CCDC178: variants seen among roughly 807,000 people sequenced by gnomAD.
CCDC178 encodes coiled-coil domain-containing protein 178.
In CCDC178, 126 loss-of-function variants were observed where a neutral mutation model predicts 117.4. The ratio of observed to expected loss-of-function variants is 1.07; its 90% confidence interval spans 0.93 to 1.24. The LOEUF is 1.24. Ranked by LOEUF, CCDC178 falls within the 50% of genes most tolerant of loss-of-function variation. The pLI is 0.00. For missense variants in CCDC178, 1,030 were observed against 986.9 expected (o/e 1.04, Z -0.59); for synonymous variants, 283 against 313.4 (o/e 0.90, Z 1.02).
intron 20 of CCDC178, among the ~76,000 whole-genome samples, chr18:33,096,910 T>C (rs530654465): frequency 3.9e-5 from 6 of 152,242 alleles, no homozygotes; most frequent in Non-Finnish European, 5.9e-5. Context: ...TTTATCCTTG[T>C]AGCAATGATC....
chr18:32,939,096 C>CTCTGGAGG (rs2054183202), intron 22 of CCDC178, among the ~76,000 whole-genome samples: 1 of 151,996 alleles, frequency 6.6e-6, no homozygotes, highest in African/African-American at 2.4e-5. Context: ...AAAGGTCCAG[C>CTCTGGAGG]TCTGGATGTC....
chr18:33,267,416 A>C (rs2059832633), intron 12 of CCDC178, 119 bp from the exon 13 acceptor site: 2 of 567,424 alleles, frequency 3.5e-6, no homozygotes, highest in African/African-American at 3.9e-5. Flanking sequence ...AAATTGAAAA[A>C]CAATAGAAAA....
At chr18:33,148,350 T>G (rs1598932813) in intron 20 of CCDC178, among the ~76,000 whole-genome samples, 1 of 151,516 alleles carries the variant, frequency 6.6e-6, no homozygotes, top group Non-Finnish European at 1.5e-5. Flanking sequence ...GGCAGGGAGG[T>G]TGCAGTGAGC....
intron 21 of CCDC178, among the ~76,000 whole-genome samples, chr18:33,066,261 A>C (rs141987082): frequency 3.7e-4 from 56 of 152,330 alleles, no homozygotes; most frequent in African/African-American, 1.3e-3. Context: ...TCTAAAGGGA[A>C]TCCTACATCT....
intron 20 of CCDC178, among the ~76,000 whole-genome samples, chr18:33,125,774 C>A (rs947116136): frequency 1.7e-4 from 26 of 152,170 alleles, no homozygotes; most frequent in African/African-American, 6.3e-4. Flanking sequence ...GCATGTGACA[C>A]CTGCTTCCAG....
rs561651801 is a variant in CCDC178 at position 33,301,597 on chromosome 18, C to T, written c.1023-8285G>A. Among the ~76,000 whole-genome samples, 4 of 152,308 alleles carry T rather than the reference C, an allele frequency of 2.6e-5. No homozygotes were observed. In the South Asian group the frequency reaches 8.3e-4, roughly 32 times the overall value. ...AACTGTCAAGGTCTTAAAAACTGAC[C>T]CCTTCCAGTGTGTGCTCGATGTGGG... On this transcript the variant is annotated intron_variant, in intron 11 of 22. Transcript: ENST00000383096.
chr18:33,024,867 G>T (rs1191988394), intron 21 of CCDC178, among the ~76,000 whole-genome samples: 1 of 150,992 alleles, frequency 6.6e-6, no homozygotes, highest in African/African-American at 2.4e-5. Flanking sequence ...TACCCAGGAT[G>T]GTCTTGATCT....
chr18:33,341,257 G>A (rs989267192), intron 9 of CCDC178, among the ~76,000 whole-genome samples: 5 of 152,146 alleles, frequency 3.3e-5, no homozygotes, highest in South Asian at 2.1e-4. Flanking sequence ...CTCACATTTG[G>A]AACAGCTGTA....
intron 21 of CCDC178, among the ~76,000 whole-genome samples, chr18:33,053,380 T>G (rs976955966): frequency 2.0e-5 from 3 of 152,172 alleles, no homozygotes; most frequent in African/African-American, 4.8e-5. Context: ...GTGATTCAAA[T>G]AGTTGAGGGC....
intron 21 of CCDC178, among the ~76,000 whole-genome samples, chr18:33,030,790 T>C (rs1227299773): frequency 1.3e-5 from 2 of 152,046 alleles, no homozygotes; most frequent in South Asian, 2.1e-4. Context: ...AGAAGATAGA[T>C]AGATAGATGT....
chr18:33,173,898 TATC>T (rs1386027450), intron 20 of CCDC178, among the ~76,000 whole-genome samples: 2 of 152,178 alleles, frequency 1.3e-5, no homozygotes, highest in Non-Finnish European at 2.9e-5. Flanking sequence ...GAAAAGCGCT[TATC>T]ATGGCTAAGT....
chr18:33,303,693 CTA>C (rs1324344302), intron 11 of CCDC178, among the ~76,000 whole-genome samples: 1 of 150,980 alleles, frequency 6.6e-6, no homozygotes, highest in African/African-American at 2.4e-5. Context: ...AAAAAAAAAA[CTA>C]TGAAAAAAAT....
intron 20 of CCDC178, among the ~76,000 whole-genome samples, chr18:33,178,240 A>C (rs1241388935): frequency 6.6e-6 from 1 of 152,132 alleles, no homozygotes; most frequent in Non-Finnish European, 1.5e-5. Flanking sequence ...TTCATAAGCT[A>C]GAAACCTGAG....
At position 32,971,270 on chromosome 18, in the gene CCDC178, G is replaced by A. The variant is rs561456334; in HGVS notation, c.2523+3277C>T. On this transcript the variant is annotated intron_variant, in intron 22 of 22. Coordinates refer to ENST00000383096, the MANE Select transcript of CCDC178 (RefSeq NM_001105528.4). ...CTCCCACTTATGAGTGATAACACAC[G>A]GTGTTTGGTTTTCTGTTTCTGTATT... Among the ~76,000 whole-genome samples, 97 of 151,846 alleles carry A rather than the reference G, an allele frequency of 6.4e-4. 1 individual carries two copies. The highest frequency in any genetic ancestry group is 2.2e-3 in the African/African-American group (90 of 41,398).
intron 14 of CCDC178, among the ~76,000 whole-genome samples, chr18:33,247,729 A>T: frequency 6.6e-6 from 1 of 151,802 alleles, no homozygotes. Context: ...ATATGTGTAT[A>T]TGTGTGTTAA....
intron 20 of CCDC178, among the ~76,000 whole-genome samples, chr18:33,177,022 A>C (rs897211150): frequency 6.6e-6 from 1 of 152,152 alleles, no homozygotes; most frequent in Non-Finnish European, 1.5e-5. Flanking sequence ...TCATTTAAAA[A>C]CCATCTTATT....
intron 20 of CCDC178, among the ~76,000 whole-genome samples, chr18:33,093,675 A>ATT (rs1241943460): frequency 1.4e-5 from 2 of 146,236 alleles, no homozygotes; most frequent in South Asian, 2.2e-4. Flanking sequence ...TTAGTTTCTG[A>ATT]TTTTTTTTTT....
chr18:32,987,782 G>A (rs1458153768), intron 21 of CCDC178, among the ~76,000 whole-genome samples: 1 of 152,118 alleles, frequency 6.6e-6, no homozygotes, highest in Non-Finnish European at 1.5e-5. Flanking sequence ...TATCTCCTTA[G>A]ACATTTATGA....
At chr18:33,369,996 T>C (rs1599232433) in intron 6 of CCDC178, 54 bp downstream of exon 6, 1 of 1,436,742 alleles carries the variant, frequency 7.0e-7, no homozygotes, top group African/African-American at 1.5e-5. Flanking sequence ...TAACCAATCC[T>C]TAGAGGGTCG....
Sources: gnomAD v4.1 joint callset for allele counts (sites outside exome capture counted in the v4.1 genomes callset) on GRCh38, gnomAD v4.1.1 for gene constraint, MANE v1.5 for transcripts, NCBI Gene and HGNC (gene_info 2026-07-23, HGNC 2026-07-21) for gene names.